Variants in WARS2 observed in about 807,000 individuals in gnomAD.
WARS2 encodes the protein tryptophan--tRNA ligase, mitochondrial.
Under a neutral mutation model 36.5 loss-of-function variants are expected in WARS2, and 28 were observed. The observed-to-expected ratio is 0.77, with a 90% CI of 0.57 to 1.05. The LOEUF (loss-of-function observed/expected upper bound fraction) is 1.05, where lower values mean the gene tolerates loss of function less well. Ranked by LOEUF, WARS2 falls within the 50% of genes least tolerant of loss-of-function variation. The pLI is 0.00. For missense variants in WARS2, 435 were observed against 456.8 expected (o/e 0.95, Z 0.44); for synonymous variants, 174 against 178.4 (o/e 0.98, Z 0.20).
chr1:119,062,196 G>A (rs560670335), intron 2 of WARS2, among the ~76,000 whole-genome samples: 109 of 152,276 alleles, frequency 7.2e-4, no homozygotes, highest in African/African-American at 2.5e-3. Flanking sequence ...ACCTCCTGGA[G>A]CTAGCTGCCT....
chr1:119,125,326 A>C (rs1047224710), intron 1 of WARS2, among the ~76,000 whole-genome samples: 1 of 152,088 alleles, frequency 6.6e-6, no homozygotes, highest in Admixed American at 6.5e-5. Flanking sequence ...TACAACTGTG[A>C]TACCCTTTGG....
At chr1:119,140,387 C>T in intron 1 of WARS2, 168 bp downstream of exon 1, 1 of 494,740 alleles carries the variant, frequency 2.0e-6, no homozygotes, top group Non-Finnish European at 3.4e-6. Flanking sequence ...ATCCTTGCAA[C>T]GTCACTACGC....
At chr1:119,085,734 C>G (rs748191350) in intron 1 of WARS2, 6 of 1,570,502 alleles carry the variant, frequency 3.8e-6, no homozygotes, top group Non-Finnish European at 5.3e-6. Context: ...TTTGGATTTC[C>G]CAGTCTTCTT....
At chr1:119,046,722 T>C (rs1648883388) in intron 2 of WARS2, among the ~76,000 whole-genome samples, 1 of 151,662 alleles carries the variant, frequency 6.6e-6, no homozygotes, top group Non-Finnish European at 1.5e-5. Flanking sequence ...ATTTAAGGCC[T>C]ATGCATCCCG....
At chr1:119,070,337 C>T (rs2101275326) in intron 2 of WARS2, among the ~76,000 whole-genome samples, 1 of 152,246 alleles carries the variant, frequency 6.6e-6, no homozygotes, top group East Asian at 1.9e-4. Context: ...TCTCTGCTCA[C>T]TTCCACCTCT....
intron 2 of WARS2, among the ~76,000 whole-genome samples, chr1:119,047,024 A>G (rs1441714030): frequency 3.3e-5 from 5 of 152,174 alleles, no homozygotes; most frequent in Non-Finnish European, 7.3e-5. Flanking sequence ...TCACTTTTAA[A>G]GTTTTGCAAG....
chr1:119,085,508 A>G (rs1420707825), intron 1 of WARS2: 6 of 1,587,198 alleles, frequency 3.8e-6, no homozygotes, highest in Non-Finnish European at 5.1e-6. Context: ...TTTCATCTTC[A>G]GAGCTCTCAG....
intron 1 of WARS2, among the ~76,000 whole-genome samples, chr1:119,090,480 T>C (rs1319439718): frequency 6.6e-6 from 1 of 152,192 alleles, no homozygotes; most frequent in Non-Finnish European, 1.5e-5. Context: ...AACTTACTAG[T>C]GGTTATACAA....
chr1:119,041,388 C>A (rs892580498), intron 4 of WARS2, among the ~76,000 whole-genome samples: 4 of 152,096 alleles, frequency 2.6e-5, no homozygotes, highest in Admixed American at 1.3e-4. Context: ...AAGCCCTGGC[C>A]AGTAGTACAG....
intron 2 of WARS2, among the ~76,000 whole-genome samples, chr1:119,056,546 T>C (rs981245168): frequency 3.4e-5 from 5 of 148,074 alleles, no homozygotes; most frequent in Admixed American, 6.8e-5. Context: ...AATATATATA[T>C]ATACTAAATA....
At chr1:119,118,396 TA>T (rs1027027333) in intron 1 of WARS2, among the ~76,000 whole-genome samples, 3 of 151,952 alleles carry the variant, frequency 2.0e-5, no homozygotes, top group Admixed American at 2.0e-4. Flanking sequence ...AAAAGAATTT[TA>T]AAAATGAACA....
chr1:119,046,607 C>T (rs897462682), intron 2 of WARS2, among the ~76,000 whole-genome samples: 2 of 151,852 alleles, frequency 1.3e-5, no homozygotes, highest in African/African-American at 4.8e-5. Flanking sequence ...CCACCCACCC[C>T]AGCGTCCCAA....
intron 1 of WARS2, among the ~76,000 whole-genome samples, chr1:119,135,181 C>T (rs1440652982): frequency 2.0e-5 from 3 of 152,268 alleles, no homozygotes; most frequent in African/African-American, 7.2e-5. Flanking sequence ...ATAATCCATC[C>T]ATCATATGTG....
chr1:119,117,792 G>A (rs1428350409), intron 1 of WARS2, among the ~76,000 whole-genome samples: 1 of 152,250 alleles, frequency 6.6e-6, no homozygotes, highest in South Asian at 2.1e-4. Context: ...CCTGGATCCT[G>A]GTAGCCCCAC....
Position 119,091,356 on chromosome 1 carries a change from G to T in WARS2, c.91-14749C>A, listed in dbSNP as rs184084182. Among the ~76,000 whole-genome samples, 384 of 152,290 alleles carry T rather than the reference G, an allele frequency of 2.5e-3. 2 individuals are homozygous for T. Among genetic ancestry groups the T allele is most frequent in the African/African-American group, 8.9e-3 (368 of 41,552 alleles). ...TCTGAGGTACTTGTTTCACAAGGAT[G>T]AAGGAACTGAGGCACAGAAGGGTTA... On this transcript the variant is annotated intron_variant, in intron 1 of 5. Transcript: ENST00000235521.
At chr1:119,121,090 C>T (rs4625329) in intron 1 of WARS2, among the ~76,000 whole-genome samples, 66,593 of 151,796 alleles carry the variant, frequency 0.44, 15,674 homozygotes, top group East Asian at 0.84. Flanking sequence ...AAATTGGTAA[C>T]GAGGAAGTCA....
chr1:119,088,865 A>T (rs1427878453), intron 1 of WARS2, among the ~76,000 whole-genome samples: 2 of 152,138 alleles, frequency 1.3e-5, no homozygotes, highest in African/African-American at 4.8e-5. Context: ...CTGCATAGAG[A>T]TACTGTTTTT....
intron 1 of WARS2, among the ~76,000 whole-genome samples, chr1:119,118,804 G>A (rs1245456822): frequency 6.6e-6 from 1 of 152,074 alleles, no homozygotes; most frequent in Non-Finnish European, 1.5e-5. Context: ...ATAATTATCA[G>A]CCAAGAATTT....
intron 1 of WARS2, among the ~76,000 whole-genome samples, chr1:119,090,598 T>A (rs964688331): frequency 6.6e-6 from 1 of 152,180 alleles, no homozygotes; most frequent in African/African-American, 2.4e-5. Context: ...CTGGGCCAGA[T>A]GCAGTGGCTC....
Sources: allele counts gnomAD v4.1 joint callset (sites outside exome capture counted in the v4.1 genomes callset), GRCh38; gene constraint gnomAD v4.1.1; transcripts MANE v1.5; gene names NCBI Gene and HGNC (gene_info 2026-07-23, HGNC 2026-07-21).